The following FBXO4 variants were observed in gnomAD, a reference collection of about 807,000 sequenced individuals.
FBXO4 encodes F-box protein 4, also known as F-box only protein 4.
A neutral mutation model predicts 43.7 loss-of-function variants in FBXO4; 36 were observed. That is an observed-to-expected ratio of 0.82 (90% CI 0.63 to 1.09). The LOEUF is 1.09. Ranked by LOEUF, FBXO4 falls within the 50% of genes least tolerant of loss-of-function variation. The pLI, the probability that FBXO4 is intolerant of heterozygous loss-of-function variation, is 0.00. For missense variants in FBXO4, 435 were observed against 474.1 expected, an observed-to-expected ratio of 0.92 and a Z score of 0.77; for synonymous variants, 180 against 165.6, an observed-to-expected ratio of 1.09 and a Z score of -0.67.
intron 3 of FBXO4, 102 bp from the exon 4 acceptor site, chr5:41,933,844 A>T: frequency 1.2e-6 from 1 of 850,786 alleles, no homozygotes; most frequent in Non-Finnish European, 1.9e-6. Context: ...TTGTTATAGA[A>T]TTTTTTCTTT....
chr5:42,012,451 TCTA>T, the FBXO4 span, among the ~76,000 whole-genome samples: 3 of 152,172 alleles, frequency 2.0e-5, no homozygotes, highest in Admixed American at 1.3e-4. Flanking sequence ...CCTGTGCTGT[TCTA>T]CTGAATCTGG....
At chr5:41,954,092 G>A in the FBXO4 span, among the ~76,000 whole-genome samples, 3 of 152,098 alleles carry the variant, frequency 2.0e-5, no homozygotes, top group Non-Finnish European at 1.5e-5. Context: ...TAGAATTTCA[G>A]AGTTGTAACA....
the FBXO4 span, among the ~76,000 whole-genome samples, chr5:42,031,373 A>C: frequency 2.7e-5 from 4 of 149,454 alleles, no homozygotes; most frequent in Non-Finnish European, 4.4e-5. Flanking sequence ...AAAACCAAAC[A>C]CCACATGTTC....
At chr5:41,985,021 T>A in the FBXO4 span, among the ~76,000 whole-genome samples, 7 of 152,234 alleles carry the variant, frequency 4.6e-5, no homozygotes, top group African/African-American at 1.7e-4. Flanking sequence ...TCTCATATTG[T>A]GATAGATCCA....
chr5:41,937,600 C>T (rs1223069791), intron 5 of FBXO4, among the ~76,000 whole-genome samples: 1 of 152,156 alleles, frequency 6.6e-6, no homozygotes, highest in Admixed American at 6.5e-5. Context: ...ACCTAAATCC[C>T]TATTCTCCCA....
chr5:42,018,992 A>G, the FBXO4 span, among the ~76,000 whole-genome samples: 6 of 152,300 alleles, frequency 3.9e-5, no homozygotes, highest in Admixed American at 2.0e-4. Flanking sequence ...TGGTTAATTT[A>G]TAATTATACT....
chr5:42,037,968 T>C, the FBXO4 span, among the ~76,000 whole-genome samples: 1 of 152,154 alleles, frequency 6.6e-6, no homozygotes, highest in African/African-American at 2.4e-5. Context: ...GTTGGTATGT[T>C]ACTGCACAGC....
chr5:41,998,758 C>A, the FBXO4 span, among the ~76,000 whole-genome samples: 2 of 152,160 alleles, frequency 1.3e-5, no homozygotes, highest in Non-Finnish European at 2.9e-5. Context: ...TCAGTGACAC[C>A]TGGTGAAACT....
the FBXO4 span, among the ~76,000 whole-genome samples, chr5:42,013,645 G>A: frequency 6.6e-6 from 1 of 152,182 alleles, no homozygotes; most frequent in Non-Finnish European, 1.5e-5. Context: ...AATCCGGACA[G>A]ATTCTTAATA....
At chr5:41,939,874 G>T in intron 6 of FBXO4, among the ~76,000 whole-genome samples, 1 of 113,542 alleles carries the variant, frequency 8.8e-6, no homozygotes, top group Non-Finnish European at 1.8e-5. Context: ...TGTTGAGACA[G>T]GGTCTCACTT....
chr5:41,930,393 A>G (rs1751649320), intron 3 of FBXO4, among the ~76,000 whole-genome samples: 3 of 152,244 alleles, frequency 2.0e-5, no homozygotes, highest in Non-Finnish European at 4.4e-5. Context: ...TTATTTATTG[A>G]GAGCCAGCCC....
At chr5:41,991,225 C>A in the FBXO4 span, among the ~76,000 whole-genome samples, 17 of 152,168 alleles carry the variant, frequency 1.1e-4, no homozygotes, top group Admixed American at 2.0e-4. Context: ...GAATTTTAAA[C>A]CATAACCTTT....
At chr5:41,953,059 A>G in the FBXO4 span, among the ~76,000 whole-genome samples, 128 of 151,904 alleles carry the variant, frequency 8.4e-4, no homozygotes, top group African/African-American at 2.9e-3. Context: ...GGTTAGTTAC[A>G]TATGTATACA....
the FBXO4 span, among the ~76,000 whole-genome samples, chr5:42,000,194 T>A: frequency 3.3e-5 from 5 of 152,204 alleles, no homozygotes; most frequent in African/African-American, 1.2e-4. Context: ...TAAATAATAA[T>A]AGTTTACACT....
chr5:41,967,616 A>G, the FBXO4 span: 1 of 1,076,406 alleles, frequency 9.3e-7, no homozygotes, highest in Non-Finnish European at 1.4e-6. Context: ...ATTCTTCCCT[A>G]GGGTTGGAAT....
chr5:41,969,534 C>CTTTT, the FBXO4 span, among the ~76,000 whole-genome samples: 1 of 151,988 alleles, frequency 6.6e-6, no homozygotes, highest in African/African-American at 2.4e-5. Flanking sequence ...TAATATTTGG[C>CTTTT]TATATCATTT....
the FBXO4 span, among the ~76,000 whole-genome samples, chr5:42,038,951 T>A: frequency 6.6e-6 from 1 of 152,134 alleles, no homozygotes; most frequent in Admixed American, 6.6e-5. Flanking sequence ...TTACTTCAGC[T>A]ATACATCTTC....
intron 1 of FBXO4, among the ~76,000 whole-genome samples, chr5:41,926,446 G>C (rs1177981015): frequency 2.0e-5 from 3 of 152,110 alleles, no homozygotes; most frequent in Non-Finnish European, 4.4e-5. Context: ...GGTGGCAGGC[G>C]CCTGTAGTCC....
At chr5:41,997,732 T>A in the FBXO4 span, among the ~76,000 whole-genome samples, 2 of 152,164 alleles carry the variant, frequency 1.3e-5, no homozygotes, top group African/African-American at 4.8e-5. Flanking sequence ...CAGTGTCCAG[T>A]ACTCCCCAAA....
Sources: gnomAD v4.1 joint callset for allele counts (sites outside exome capture counted in the v4.1 genomes callset) on GRCh38, gnomAD v4.1.1 for gene constraint, MANE v1.5 for transcripts, NCBI Gene and HGNC (gene_info 2026-07-23, HGNC 2026-07-21) for gene names.